The following RGR variants were observed in gnomAD, a reference collection of about 807,000 sequenced individuals.
RGR encodes RPE-retinal G protein-coupled receptor.
RGR carries 30 observed loss-of-function variants against 28.6 expected under a neutral mutation model. That is an observed-to-expected ratio of 1.05 (90% CI 0.78 to 1.42). The LOEUF (loss-of-function observed/expected upper bound fraction) is 1.42. Among genes scored for constraint, RGR ranks in the 40% most tolerant of loss-of-function variants. The pLI is 0.00. For missense variants in RGR, 404 were observed against 375.6 expected, an observed-to-expected ratio of 1.08 and a Z score of -0.62; for synonymous variants, 180 against 156.4, an observed-to-expected ratio of 1.15 and a Z score of -1.13.
At chr10:84,253,392 C>T (rs1842844112) in intron 4 of RGR, among the ~76,000 whole-genome samples, 1 of 152,176 alleles carries the variant, frequency 6.6e-6, no homozygotes, top group Admixed American at 6.5e-5. Context: ...GCCCTTGGTA[C>T]AATAGATTCA....
chr10:84,252,853 G>A lies in RGR; in HGVS notation c.359-4G>A. ...ACCTCCTCTTCTTCCTCTGTCCTGT[G>A]CAGGTAGCCAGCTGGCCTGGAACTC... On this transcript the variant is annotated splice_region_variant and splice_polypyrimidine_tract_variant and intron_variant, in intron 3 of 6. Coordinates refer to ENST00000652092, the MANE Select transcript of RGR (RefSeq NM_001012720.2). 6.2e-7 allele frequency: 1 copy of A among 1,614,080 alleles called. No homozygotes were observed. The highest frequency in any genetic ancestry group is 8.5e-7 in the Non-Finnish European group (1 of 1,180,046).
Position 84,259,178 on chromosome 10 carries a change from T to C in RGR, c.*539T>C, listed in dbSNP as rs901715647. ...TTTCACTTAAAATAATGACCTCCAG[T>C]TTCATCCATGTTGCTGCAAAAGACA... On this transcript the variant is annotated 3_prime_UTR_variant, in exon 7 of 7. Transcript: ENST00000652092. The C allele has an allele frequency of 1.8e-5, 3 of 168,774 alleles. No homozygotes were observed. The highest frequency in any genetic ancestry group is 5.4e-5 in the Admixed American group (1 of 18,414). 10.5% of individuals were successfully genotyped at this position (168,774 alleles called of 1,614,324 possible).
At chr10:84,256,838 C>T (rs1020941295) in intron 5 of RGR, among the ~76,000 whole-genome samples, 1 of 152,146 alleles carries the variant, frequency 6.6e-6, no homozygotes, top group Admixed American at 6.5e-5. Flanking sequence ...CTCTGGTGGG[C>T]ATCGCCAAGG....
At chr10:84,256,508 C>CT (rs1321244868) in intron 5 of RGR, among the ~76,000 whole-genome samples, 6 of 152,082 alleles carry the variant, frequency 3.9e-5, no homozygotes, top group Admixed American at 6.5e-5. Context: ...GAAAGAAACT[C>CT]TTTTTTTTAA....
At chr10:84,256,187 G>T (rs572512509) in intron 5 of RGR, among the ~76,000 whole-genome samples, 68 of 148,492 alleles carry the variant, frequency 4.6e-4, no homozygotes, top group Non-Finnish European at 8.6e-4. Context: ...TCCTGCCTCA[G>T]CGTCCCTAGT....
chr10:84,253,602 G>T (rs556073662), intron 4 of RGR, among the ~76,000 whole-genome samples: 2 of 152,268 alleles, frequency 1.3e-5, no homozygotes, highest in African/African-American at 4.8e-5. Flanking sequence ...GGTCACATGG[G>T]CTCCAGCCCC....
intron 3 of RGR, among the ~76,000 whole-genome samples, chr10:84,251,182 C>G (rs1842814020): frequency 1.3e-5 from 2 of 152,048 alleles, no homozygotes; most frequent in African/African-American, 4.8e-5. Context: ...TTGCAGTGAG[C>G]CGAGATCACG....
At chr10:84,249,657 G>C (rs1465383070) in intron 3 of RGR, among the ~76,000 whole-genome samples, 1 of 152,214 alleles carries the variant, frequency 6.6e-6, no homozygotes, top group African/African-American at 2.4e-5. Context: ...AAAATGAAAT[G>C]AGATCAGGGA....
At chr10:84,247,545 G>C (rs765622716) in intron 1 of RGR, 46 bp from the exon 2 acceptor site, 2 of 1,608,504 alleles carry the variant, frequency 1.2e-6, no homozygotes, top group Non-Finnish European at 1.7e-6. Flanking sequence ...TCTGACCCCA[G>C]CTGGGCCTCA....
At chr10:84,256,520 T>C (rs1842890078) in intron 5 of RGR, among the ~76,000 whole-genome samples, 1 of 152,162 alleles carries the variant, frequency 6.6e-6, no homozygotes, top group African/African-American at 2.4e-5. Flanking sequence ...TTTTTTTAAG[T>C]CACTTCATCT....
rs1842918107 is a variant in RGR, at chr10:84,258,610, C to T, written c.847C>T (p.Gln283Ter). 6.2e-7 allele frequency: 1 copy of T among 1,614,198 alleles called. No homozygotes were observed. Among genetic ancestry groups the T allele is most frequent in the Non-Finnish European group, 8.5e-7 (1 of 1,180,032 alleles). The change falls in exon 7 of 7, where the codon CAG becomes TAG. Residue 283 changes from glutamine (Q) to a stop codon, truncating the protein, a stop_gained. Transcript: ENST00000652092. LOFTEE classifies it high-confidence loss of function. ...CRGIWQCLSP[Q>*]KREKDRTK ...GGGAATCTGGCAGTGCCTCTCACCGCAGAAGAGGGAGAAGGACCGAACCAA... is the reference window on the plus strand; with the variant it reads ...GGGAATCTGGCAGTGCCTCTCACCGTAGAAGAGGGAGAAGGACCGAACCAA...
At chr10:84,258,169 A>C (rs1034591018) in intron 6 of RGR, among the ~76,000 whole-genome samples, 163 bp downstream of exon 6, 10 of 151,834 alleles carry the variant, frequency 6.6e-5, no homozygotes, top group Admixed American at 6.6e-4. Context: ...TGCCCCCCTA[A>C]TCCCCCACCT....
intron 4 of RGR, 41 bp downstream of exon 4, chr10:84,253,051 A>C: frequency 1.9e-6 from 3 of 1,603,864 alleles, no homozygotes; most frequent in Non-Finnish European, 2.6e-6. Context: ...TATCCATGGG[A>C]ATCTTGGCTT....
intron 3 of RGR, among the ~76,000 whole-genome samples, chr10:84,251,349 C>T (rs1037257695): frequency 6.6e-6 from 1 of 152,108 alleles, no homozygotes; most frequent in Non-Finnish European, 1.5e-5. Context: ...CTTAGTCTGC[C>T]CAGGCTCCTA....
Position 84,257,935 on chromosome 10 carries a change from G to A in RGR, c.673G>A (p.Gly225Ser). ...LPARTLLLGW[G>S]PYAILYLYAV... ...AGCAAGGACGCTGCTGCTCGGCTGGGGCCCCTATGCCATCCTGTATCTATA... is the reference window on the plus strand; with the variant it reads ...AGCAAGGACGCTGCTGCTCGGCTGGAGCCCCTATGCCATCCTGTATCTATA... Residue 225 changes from glycine to serine, a missense_variant, in exon 6 of 7, where the codon GGC (glycine) becomes AGC (serine). Coordinates refer to ENST00000652092, the MANE Select transcript of RGR (RefSeq NM_001012720.2). 1 of 1,614,186 alleles carries A rather than the reference G, an allele frequency of 6.2e-7. No individual in the cohort carries two copies. Among genetic ancestry groups the A allele is most frequent in the Non-Finnish European group, 8.5e-7 (1 of 1,180,042 alleles).
At chr10:84,256,055 C>CTTTTTTT (rs1564551538) in intron 5 of RGR, among the ~76,000 whole-genome samples, 9 of 66,490 alleles carry the variant, frequency 1.4e-4, no homozygotes, top group Non-Finnish European at 2.2e-4. Flanking sequence ...TTTTTTTTTC[C>CTTTTTTT]TTTCTTTTTT....
intron 5 of RGR, among the ~76,000 whole-genome samples, chr10:84,254,757 T>C (rs974983434): frequency 3.3e-5 from 5 of 152,192 alleles, no homozygotes; most frequent in African/African-American, 1.2e-4. Context: ...TTATGTTACT[T>C]TGGCCCTTGT....
chr10:84,258,361 C>T, intron 6 of RGR, 147 bp from the exon 7 acceptor site: 1 of 1,330,678 alleles, frequency 7.5e-7, no homozygotes, highest in South Asian at 1.2e-5. Context: ...AGCCATGCAT[C>T]TCCACCAACT....
Position 84,249,038 on chromosome 10 carries a change from G to C in RGR, c.353G>C (p.Cys118Ser). 2 of 1,613,976 alleles carry C rather than the reference G, an allele frequency of 1.2e-6. No homozygotes were observed. The highest frequency in any genetic ancestry group is 1.7e-6 in the Non-Finnish European group (2 of 1,179,862). The change falls in exon 3 of 7, where the codon TGC becomes TCC. Residue 118 changes from cysteine (C) to serine (S), a missense_variant. By Grantham distance (112) the Cys-to-Ser change is moderately radical. Coordinates refer to ENST00000652092, the MANE Select transcript of RGR (RefSeq NM_001012720.2). ...AIAWGRYHHY[C>S]TRSQLAWNSA... is the part of the protein sequence containing the mutation. ...GCATGGGGGCGTTATCACCACTACT[G>C]CACCCGTATGTATCTGGGCTCCTGG...
Sources: gnomAD v4.1 joint callset for allele counts (sites outside exome capture counted in the v4.1 genomes callset) on GRCh38, gnomAD v4.1.1 for gene constraint, MANE v1.5 for transcripts, NCBI Gene and HGNC (gene_info 2026-07-23, HGNC 2026-07-21) for gene names.